Variants in ABLIM1 observed in about 807,000 individuals in gnomAD.
The protein encoded by ABLIM1 is actin binding LIM protein 1, also known as actin-binding LIM protein 1.
Under a neutral mutation model 107.0 loss-of-function variants are expected in ABLIM1, and 40 were observed. The observed-to-expected ratio is 0.37, with a 90% CI of 0.29 to 0.49. The LOEUF is 0.49. Ranked by LOEUF, ABLIM1 falls within the 20% of genes least tolerant of loss-of-function variation. The pLI is 0.97. For missense variants in ABLIM1, 857 were observed against 1,008.5 expected (o/e 0.85, Z 2.04); for synonymous variants, 357 against 357.3 (o/e 1.00, Z 0.01).
intron 8 of ABLIM1, among the ~76,000 whole-genome samples, chr10:114,476,646 A>AAATAACAATAAT (rs1555068641): frequency 7.0e-6 from 1 of 143,284 alleles, no homozygotes; most frequent in Admixed American, 7.0e-5. Flanking sequence ...CTCTGCCTCA[A>AAATAACAATAAT]AATAATAATA....
chr10:114,544,972 C>T (rs751846374), intron 6 of ABLIM1, 33 bp downstream of exon 6: 29 of 1,593,594 alleles, frequency 1.8e-5, no homozygotes, highest in African/African-American at 8.1e-5. Context: ...AGAAAGATGG[C>T]GGTAGCTATG....
rs142093529 is a variant in ABLIM1, at chr10:114,620,916, C to G, written c.245-18955G>C. On this transcript the variant is annotated intron_variant, in intron 1 of 22. Coordinates refer to ENST00000533213, the MANE Select transcript of ABLIM1 (RefSeq NM_002313.7). ...GCCATGCTCTGTAGTTTGCCCCAGG[C>G]TCCACTCAGGTCACCTGCCTGATTC... Among the ~76,000 whole-genome samples the G allele has an allele frequency of 2.8e-3, 427 of 152,282 alleles. 2 individuals are homozygous for G. The highest frequency in any genetic ancestry group is 9.7e-3 in the African/African-American group (401 of 41,538).
At chr10:114,644,230 G>A (rs1254002743) in intron 1 of ABLIM1, among the ~76,000 whole-genome samples, 2 of 119,620 alleles carry the variant, frequency 1.7e-5, no homozygotes, top group East Asian at 2.7e-4. Context: ...GCAGTGAGCC[G>A]AGATCACACC....
At position 114,718,070 on chromosome 10, in the gene ABLIM1, A is replaced by AAAGGAAGGAAGG. The variant is rs1315295272; in HGVS notation, c.-213+49979_-213+49990dup. Among the ~76,000 whole-genome samples, 214 of 54,088 alleles carry AAAGGAAGGAAGG rather than the reference A, an allele frequency of 4.0e-3. 3 individuals carry two copies. Among genetic ancestry groups the AAAGGAAGGAAGG allele is most frequent in the African/African-American group, 9.6e-3 (194 of 20,286 alleles). The allele number at this position is 54,088 out of a possible 152,430, so 35.5% of individuals were successfully genotyped here. A position where few individuals can be genotyped will look rare whatever the true frequency, so the allele number is the denominator to read the frequency against. On this transcript the variant is annotated intron_variant, in intron 1 of 15. Transcript: ENST00000651092. ...GAAAGAAAGAAAGAAAGAAAGGAAGAAAGGAAGGAAGGAAGGAAGGAAGGA... is the reference window on the plus strand; with the variant it reads ...GAAAGAAAGAAAGAAAGAAAGGAAGAAAGGAAGGAAGGAAGGAAGGAAGGAAGGAAGGAAGGA...
chr10:114,477,763 G>A (rs934492036), intron 8 of ABLIM1, among the ~76,000 whole-genome samples: 8 of 151,754 alleles, frequency 5.3e-5, no homozygotes, highest in Admixed American at 3.3e-4. Context: ...TCACTCTGTC[G>A]CCCAGCCTGG....
intron 1 of ABLIM1, among the ~76,000 whole-genome samples, chr10:114,624,861 A>C (rs2077688762): frequency 6.6e-6 from 1 of 151,884 alleles, no homozygotes; most frequent in African/African-American, 2.4e-5. Context: ...AAGCAGAGCC[A>C]CACTTCCTGG....
In ABLIM1 at chr10:114,720,731, A is replaced by T. The variant is rs575587022; in HGVS notation, c.-213+47330T>A. Among the ~76,000 whole-genome samples, 342 of 144,408 alleles carry T rather than the reference A, an allele frequency of 2.4e-3. 1 individual carries two copies. The highest frequency in any genetic ancestry group is 3.6e-3 in the Non-Finnish European group (233 of 64,738). 94.7% of individuals were successfully genotyped at this position (144,408 alleles called of 152,430 possible). A position where few individuals can be genotyped will look rare whatever the true frequency, so the allele number is the denominator to read the frequency against. ...AAGACAGGGAAAAATGCATTGAAAT[A>T]AAAAAAAAAAGCAAGCATAAAAACA... On this transcript the variant is annotated intron_variant, in intron 1 of 15. Coordinates refer to the ABLIM1 transcript ENST00000651092.
At chr10:114,472,386 T>C (rs1225576133) in intron 10 of ABLIM1, among the ~76,000 whole-genome samples, 1 of 152,116 alleles carries the variant, frequency 6.6e-6, no homozygotes, top group East Asian at 1.9e-4. Context: ...GCACTGTACC[T>C]GGTCCAGGAA....
intron 6 of ABLIM1, among the ~76,000 whole-genome samples, chr10:114,512,171 G>C (rs1186757241): frequency 2.6e-5 from 4 of 152,200 alleles, no homozygotes; most frequent in African/African-American, 9.6e-5. Flanking sequence ...GTCTATTAAA[G>C]ACAGGAGCCC....
Position 114,453,424 on chromosome 10 carries a change from G to C in ABLIM1, c.1501C>G (p.Leu501Val). The stretch of plus-strand genomic sequence containing the variant: ...GGGGCCTGAGCGTAAGTTGGAGTTA[G>C]AGGGCGGCTGTCTGGCCGGTAAGGG... ...PLPYRPDSRP[L>V]TPTYAQAPKH... Residue 501 changes from leucine to valine, a missense_variant, in exon 13 of 23, where the codon CTA becomes GTA. Around this residue, in one of 5 missense-constraint regions of ABLIM1, gnomAD observed 381 missense variants for 506.9 expected, o/e 0.75. Transcript: ENST00000533213. 6.2e-7 allele frequency: 1 copy of C among 1,613,970 alleles called. No individual in the cohort carries two copies. The highest frequency in any genetic ancestry group is 1.1e-5 in the South Asian group (1 of 91,046).
intron 1 of ABLIM1, among the ~76,000 whole-genome samples, chr10:114,759,915 C>G (rs2082708441): frequency 6.6e-6 from 1 of 152,142 alleles, no homozygotes; most frequent in Non-Finnish European, 1.5e-5. Flanking sequence ...GGAATTATAA[C>G]TTATATAGTA....
chr10:114,449,322 T>C (rs1000745618), intron 14 of ABLIM1, among the ~76,000 whole-genome samples: 5 of 152,252 alleles, frequency 3.3e-5, no homozygotes, highest in African/African-American at 1.2e-4. Flanking sequence ...CTTCTGGGCT[T>C]ACATATTTTA....
chr10:114,493,333 G>T (rs2059254149), intron 6 of ABLIM1, among the ~76,000 whole-genome samples: 2 of 152,132 alleles, frequency 1.3e-5, no homozygotes, highest in Non-Finnish European at 2.9e-5. Context: ...AAAAATAAAG[G>T]CCCCTTGGCA....
intron 5 of ABLIM1, among the ~76,000 whole-genome samples, chr10:114,545,423 G>A (rs2067202951): frequency 1.3e-5 from 2 of 152,164 alleles, no homozygotes; most frequent in Non-Finnish European, 2.9e-5. Context: ...GGCCCCCTGG[G>A]CACGTAGGAG....
At chr10:114,580,993 G>A (rs1444930962) in intron 2 of ABLIM1, among the ~76,000 whole-genome samples, 1 of 152,122 alleles carries the variant, frequency 6.6e-6, no homozygotes, top group Non-Finnish European at 1.5e-5. Context: ...CACTCAAGGT[G>A]CCAACTAAAT....
At chr10:114,724,170 CA>C (rs2081909006) in intron 1 of ABLIM1, among the ~76,000 whole-genome samples, 1 of 152,116 alleles carries the variant, frequency 6.6e-6, no homozygotes, top group Non-Finnish European at 1.5e-5. Context: ...ATTGCACATT[CA>C]TTATTATTGT....
intron 3 of ABLIM1, among the ~76,000 whole-genome samples, chr10:114,572,422 A>G (rs2071829020): frequency 6.6e-6 from 1 of 152,222 alleles, no homozygotes; most frequent in Non-Finnish European, 1.5e-5. Flanking sequence ...TAAACAACAT[A>G]TAGGTAAATT....
chr10:114,672,421 G>A (rs1018052639), intron 1 of ABLIM1, among the ~76,000 whole-genome samples: 10 of 152,000 alleles, frequency 6.6e-5, no homozygotes, highest in African/African-American at 1.2e-4. Context: ...GAGTGGTCTC[G>A]AGCTCCTGAC....
chr10:114,557,046 T>C (rs1047768374), intron 4 of ABLIM1, among the ~76,000 whole-genome samples: 2 of 152,220 alleles, frequency 1.3e-5, no homozygotes, highest in Non-Finnish European at 2.9e-5. Flanking sequence ...AGACACATAC[T>C]GGGTGGGGAA....
Sources: gnomAD v4.1 joint callset for allele counts (sites outside exome capture counted in the v4.1 genomes callset) on GRCh38, gnomAD v4.1.1 for gene constraint, gnomAD v4.1.1 regional missense constraint, MANE v1.5 for transcripts, NCBI Gene and HGNC (gene_info 2026-07-23, HGNC 2026-07-21) for gene names.